RGS12: variants seen among roughly 807,000 people sequenced by gnomAD.
RGS12 encodes regulator of G protein signaling 12, also known as regulator of G-protein signaling 12.
A neutral mutation model predicts 120.1 loss-of-function variants in RGS12; 66 were observed. The observed-to-expected ratio is 0.55, with a 90% confidence interval of 0.45 to 0.67. The LOEUF (loss-of-function observed/expected upper bound fraction) is 0.67, where lower values mean the gene tolerates loss of function less well. RGS12 is among the 30% of genes least tolerant of loss of function. The pLI is 0.00. For missense variants in RGS12, 1,859 were observed against 1,957.7 expected, an observed-to-expected ratio of 0.95 and a Z score of 0.95; for synonymous variants, 827 against 804.7, an observed-to-expected ratio of 1.03 and a Z score of -0.47.
chr4:3,421,816 A>G (rs543827173), intron 10 of RGS12, among the ~76,000 whole-genome samples: 7 of 152,334 alleles, frequency 4.6e-5, no homozygotes, highest in South Asian at 4.1e-4. Flanking sequence ...GAGCCGCATT[A>G]TGAGGGGCAC....
At chr4:3,363,576 T>C (rs746315172) in intron 3 of RGS12, among the ~76,000 whole-genome samples, 6 of 152,084 alleles carry the variant, frequency 3.9e-5, no homozygotes, top group Non-Finnish European at 8.8e-5. Flanking sequence ...TAGGAGAATC[T>C]GCTTGGGAAA....
chr4:3,336,847 A>G (rs766876098), intron 2 of RGS12, among the ~76,000 whole-genome samples: 50 of 152,240 alleles, frequency 3.3e-4, no homozygotes, highest in Admixed American at 1.1e-3. Context: ...CAGAGTCTAT[A>G]GAGAACTCCT....
At chr4:3,363,870 G>C (rs561196723) in intron 3 of RGS12, among the ~76,000 whole-genome samples, 27 of 152,236 alleles carry the variant, frequency 1.8e-4, no homozygotes, top group Non-Finnish European at 5.9e-5. Context: ...CTGGAGGGCT[G>C]GGAGGTACTT....
intron 4 of RGS12, among the ~76,000 whole-genome samples, chr4:3,391,297 C>T (rs1210790397): frequency 2.0e-5 from 3 of 152,202 alleles, no homozygotes; most frequent in African/African-American, 7.2e-5. Flanking sequence ...TTGATTTCTG[C>T]CAGGATGCCT....
rs755604761 is a variant in RGS12, at chr4:3,316,471, C to T, written c.301C>T (p.Arg101Cys). The change falls in exon 2 of 18, where the codon CGC becomes TGC. Residue 101 changes from arginine (R) to cysteine (C), a missense_variant. Arg to Cys is a radical substitution (Grantham distance 180). Around this residue, in one of 3 missense-constraint regions of RGS12, gnomAD observed 967 missense variants for 994.2 expected, o/e 0.97. Coordinates refer to ENST00000336727, the MANE Select transcript of RGS12 (RefSeq NM_001394154.1). ...LHMVIAEGVGRFESCSSDEEG... is the reference protein window; with the variant it reads ...LHMVIAEGVGCFESCSSDEEG... Reference sequence around the variant, plus strand: ...CATGGTGATTGCTGAAGGCGTCGGCCGCTTCGAATCCTGTTCCAGTGATGA... The same window carrying T: ...CATGGTGATTGCTGAAGGCGTCGGCTGCTTCGAATCCTGTTCCAGTGATGA... 3.3e-5 allele frequency: 54 copies of T among 1,614,034 alleles called. No individual in the cohort carries two copies. The highest frequency in any genetic ancestry group is 1.9e-4 in the African/African-American group (14 of 74,926).
intron 14 of RGS12, among the ~76,000 whole-genome samples, chr4:3,427,717 C>T (rs1319555354): frequency 6.6e-6 from 1 of 151,718 alleles, no homozygotes; most frequent in Non-Finnish European, 1.5e-5. Context: ...GCCTGGGAGA[C>T]AGAGTGAGAC....
At chr4:3,423,845 C>A (rs1036109277) in intron 13 of RGS12, 6 of 608,376 alleles carry the variant, frequency 9.9e-6, no homozygotes, top group African/African-American at 9.3e-5. Flanking sequence ...TTATTTGTAC[C>A]TTGGTCATTC....
At chr4:3,394,462 C>T (rs533765419) in intron 4 of RGS12, among the ~76,000 whole-genome samples, 2 of 152,030 alleles carry the variant, frequency 1.3e-5, no homozygotes, top group African/African-American at 2.4e-5. Flanking sequence ...CATGCTCAGC[C>T]GAATATGTGA....
chr4:3,383,551 G>A (rs911630873), intron 3 of RGS12, among the ~76,000 whole-genome samples: 1 of 151,890 alleles, frequency 6.6e-6, no homozygotes, highest in Non-Finnish European at 1.5e-5. Flanking sequence ...AGGCTGCAAT[G>A]AGCCATCATT....
intron 3 of RGS12, among the ~76,000 whole-genome samples, chr4:3,368,441 T>C (rs985149557): frequency 8.4e-6 from 1 of 119,312 alleles, no homozygotes; most frequent in Non-Finnish European, 1.7e-5. Flanking sequence ...TGTGGGTGCC[T>C]GTGTGTGTGT....
intron 3 of RGS12, among the ~76,000 whole-genome samples, chr4:3,377,408 C>A (rs1294119244): frequency 6.6e-6 from 1 of 152,104 alleles, no homozygotes; most frequent in African/African-American, 2.4e-5. Flanking sequence ...TATATTTCTT[C>A]TCTTTGTATT....
intron 2 of RGS12, among the ~76,000 whole-genome samples, chr4:3,326,812 A>G (rs1349039809): frequency 6.6e-6 from 1 of 152,262 alleles, no homozygotes; most frequent in Non-Finnish European, 1.5e-5. Flanking sequence ...GAAATTGCAG[A>G]TGACACAAAC....
intron 7 of RGS12, 43 bp from the exon 8 acceptor site, chr4:3,416,870 T>G: frequency 1.9e-6 from 3 of 1,548,110 alleles, no homozygotes; most frequent in Non-Finnish European, 1.8e-6. Context: ...GCTGCATGTC[T>G]GGGTCCCTCC....
rs535839475 is a variant in RGS12, at chr4:3,372,310, C to T, written c.1999-14106C>T. 2.6e-5 allele frequency among the ~76,000 whole-genome samples: 4 copies of T among 152,248 alleles called. No individual in the cohort carries two copies. The highest frequency in any genetic ancestry group is 2.1e-4 in the South Asian group (1 of 4,822). ...TTGAGCCTCCCTGGCAGGCAGCGGC[C>T]GTTCAGCCAGCCTGTGGCTGTCACA... On this transcript the variant is annotated intron_variant, in intron 3 of 17. Transcript: ENST00000336727. The surrounding 1 kb of genome is among the most constrained non-coding windows in gnomAD (Gnocchi z 4.3).
At chr4:3,421,693 C>G (rs1459534743) in intron 10 of RGS12, among the ~76,000 whole-genome samples, 1 of 152,236 alleles carries the variant, frequency 6.6e-6, no homozygotes. Context: ...CTCAGGGACC[C>G]TGACAGTGAG....
chr4:3,319,052 C>T (rs1178776320), intron 2 of RGS12, among the ~76,000 whole-genome samples: 1 of 152,116 alleles, frequency 6.6e-6, no homozygotes, highest in Non-Finnish European at 1.5e-5. Flanking sequence ...GTAGGAAAGG[C>T]CGTGTTTGAT....
chr4:3,417,396 A>G lies in RGS12; in HGVS notation c.2616A>G (p.Gly872=). The G allele has an allele frequency of 6.4e-7, 1 of 1,569,568 alleles. No individual in the cohort carries two copies. Among genetic ancestry groups the G allele is most frequent in the East Asian group, 2.3e-5 (1 of 44,226 alleles). The part of the protein sequence containing the change: ...SSVSTPKKLS[G]KSKSGRSLNE... ...TTTCCATTTGATGACAGTTAAGTGG[A>G]AAATCAAAATCCGGCCGATCCCTGA... is the stretch of plus-strand genomic sequence containing the variant. The change falls in exon 9 of 18, where the codon GGA becomes GGG. Residue 872 remains glycine, a synonymous_variant. Transcript: ENST00000336727.
chr4:3,395,487 G>A (rs1003162143), intron 4 of RGS12, among the ~76,000 whole-genome samples: 3 of 152,122 alleles, frequency 2.0e-5, no homozygotes, highest in Non-Finnish European at 4.4e-5. Context: ...TGATAGGCTG[G>A]GGGTTTGTAT....
intron 3 of RGS12, among the ~76,000 whole-genome samples, chr4:3,384,906 C>T (rs542973605): frequency 9.2e-5 from 14 of 152,288 alleles, no homozygotes; most frequent in South Asian, 2.1e-4. Context: ...TTGCCCTTGC[C>T]GGCAGGCTGG....
Sources: allele counts gnomAD v4.1 joint callset (sites outside exome capture counted in the v4.1 genomes callset), GRCh38; gene constraint gnomAD v4.1.1; regional missense constraint gnomAD v4.1.1; non-coding constraint Gnocchi (gnomAD v3.1); transcripts MANE v1.5; gene names NCBI Gene and HGNC (gene_info 2026-07-23, HGNC 2026-07-21).